The following EDAR variants were observed in gnomAD, a reference collection of about 807,000 sequenced individuals.
EDAR encodes the protein ectodysplasin A receptor.
In EDAR, 38 loss-of-function variants were observed where a neutral mutation model predicts 51.3. The observed-to-expected ratio is 0.74, with a 90% confidence interval of 0.57 to 0.97. EDAR has a LOEUF of 0.97. Ranked by LOEUF, EDAR falls within the 50% of genes least tolerant of loss-of-function variation. The pLI, the probability that EDAR is intolerant of heterozygous loss-of-function variation, is 0.00. For missense variants in EDAR, 528 were observed against 595.0 expected, an observed-to-expected ratio of 0.89 and a Z score of 1.17; for synonymous variants, 227 against 242.1, an observed-to-expected ratio of 0.94 and a Z score of 0.58.
intron 1 of EDAR, among the ~76,000 whole-genome samples, chr2:108,979,042 G>A (rs562525512): frequency 6.6e-6 from 1 of 152,344 alleles, no homozygotes; most frequent in South Asian, 2.1e-4. Flanking sequence ...TACTCAGTAA[G>A]CAGAGAGGTG....
intron 1 of EDAR, among the ~76,000 whole-genome samples, chr2:108,954,255 C>T (rs1454548097): frequency 2.6e-5 from 4 of 152,180 alleles, no homozygotes; most frequent in Admixed American, 6.5e-5. Context: ...AGACCAGCAG[C>T]AGATTGTGGT....
chr2:108,924,566 G>C lies in EDAR; in HGVS notation c.357-1113C>G, dbSNP rs140249883. Among the ~76,000 whole-genome samples, 1,400 of 152,250 alleles carry C rather than the reference G, an allele frequency of 9.2e-3. 23 individuals are homozygous for C. Among genetic ancestry groups the C allele is most frequent in the African/African-American group, 0.033 (1,363 of 41,546 alleles). On this transcript the variant is annotated intron_variant, in intron 4 of 11. Coordinates refer to ENST00000258443, the MANE Select transcript of EDAR (RefSeq NM_022336.4). The stretch of plus-strand genomic sequence containing the variant: ...TTCTAATCTCTTTTTTATTAGCCAG[G>C]CCCCATGGAGGCCCCTGCTGACGGT...
chr2:108,910,746 C>T, intron 8 of EDAR, 30 bp downstream of exon 8: 1 of 1,611,262 alleles, frequency 6.2e-7, no homozygotes, highest in Non-Finnish European at 8.5e-7. Flanking sequence ...GCACCGTGCA[C>T]ATGGTGTGTG....
At chr2:108,921,177 C>T (rs1272588625) in intron 5 of EDAR, among the ~76,000 whole-genome samples, 1 of 152,108 alleles carries the variant, frequency 6.6e-6, no homozygotes, top group African/African-American at 2.4e-5. Context: ...TTGCATTGCA[C>T]AGGTGCCTAG....
intron 1 of EDAR, among the ~76,000 whole-genome samples, chr2:108,968,884 G>A (rs1005683245): frequency 6.6e-6 from 1 of 152,212 alleles, no homozygotes; most frequent in African/African-American, 2.4e-5. Flanking sequence ...AGTCACGGTA[G>A]GGTTACATGT....
intron 11 of EDAR, among the ~76,000 whole-genome samples, chr2:108,902,607 C>T (rs1696721693): frequency 6.6e-6 from 1 of 152,140 alleles, no homozygotes; most frequent in African/African-American, 2.4e-5. Context: ...AGACCAAGAT[C>T]TCTCATGAAT....
intron 1 of EDAR, among the ~76,000 whole-genome samples, chr2:108,975,719 A>G (rs1485596834): frequency 6.6e-6 from 1 of 152,138 alleles, no homozygotes; most frequent in Non-Finnish European, 1.5e-5. Flanking sequence ...GTCGGAGGAA[A>G]TGACATGAGG....
chr2:108,978,113 G>A (rs1447744927), intron 1 of EDAR, among the ~76,000 whole-genome samples: 3 of 152,188 alleles, frequency 2.0e-5, no homozygotes, highest in African/African-American at 7.2e-5. Flanking sequence ...ACCAGCAAAG[G>A]GCCCCAGAGG....
intron 1 of EDAR, among the ~76,000 whole-genome samples, chr2:108,960,770 T>C (rs1306826242): frequency 6.6e-6 from 1 of 152,228 alleles, no homozygotes; most frequent in Non-Finnish European, 1.5e-5. Flanking sequence ...TATATAGATA[T>C]ATCATAAGGA....
At chr2:108,929,036 C>T (rs1249618084) in intron 4 of EDAR, among the ~76,000 whole-genome samples, 162 bp downstream of exon 4, 9 of 152,224 alleles carry the variant, frequency 5.9e-5, no homozygotes, top group African/African-American at 1.7e-4. Context: ...CAGGACTCTC[C>T]GTCCTGGATG....
At chr2:108,954,474 A>G (rs1352896179) in intron 1 of EDAR, among the ~76,000 whole-genome samples, 1 of 152,106 alleles carries the variant, frequency 6.6e-6, no homozygotes, top group African/African-American at 2.4e-5. Flanking sequence ...CAGTCCTGAA[A>G]CTATCCTTGG....
At chr2:108,914,229 T>C (rs1696986484) in intron 5 of EDAR, among the ~76,000 whole-genome samples, 1 of 151,798 alleles carries the variant, frequency 6.6e-6, no homozygotes, top group Admixed American at 6.6e-5. Flanking sequence ...CACTGCACTC[T>C]AGCCTGGGCA....
chr2:108,987,550 T>C (rs1008490516), intron 1 of EDAR, among the ~76,000 whole-genome samples: 3 of 152,230 alleles, frequency 2.0e-5, no homozygotes, highest in Admixed American at 6.5e-5. Context: ...AGAAACCAGG[T>C]AGTGGCCAGG....
In EDAR at chr2:108,961,634, C is replaced by T. The variant is rs74641098; in HGVS notation, c.-19+27326G>A. 1.9e-3 allele frequency among the ~76,000 whole-genome samples: 286 copies of T among 152,306 alleles called. 1 individual carries two copies. Among genetic ancestry groups the T allele is most frequent in the African/African-American group, 6.3e-3 (263 of 41,566 alleles). On this transcript the variant is annotated intron_variant, in intron 1 of 11. Transcript: ENST00000258443. ...TCACTGGCAGATGGTGTTATTGTTACGTTTTCTTTTCTGAAACTCTATGGT... is the reference window on the plus strand; with the variant it reads ...TCACTGGCAGATGGTGTTATTGTTATGTTTTCTTTTCTGAAACTCTATGGT...
intron 1 of EDAR, among the ~76,000 whole-genome samples, chr2:108,938,557 G>C (rs1697522219): frequency 6.6e-6 from 1 of 152,020 alleles, no homozygotes. Flanking sequence ...TCATCCCAAT[G>C]TCCTGCTGTA....
At chr2:108,923,345 G>C in intron 5 of EDAR, 23 bp downstream of exon 5, 3 of 1,608,914 alleles carry the variant, frequency 1.9e-6, no homozygotes, top group Non-Finnish European at 2.6e-6. Context: ...ATACCGTGCT[G>C]GTGGAAGGAC....
intron 1 of EDAR, among the ~76,000 whole-genome samples, chr2:108,939,893 A>T (rs775235428): frequency 6.6e-6 from 1 of 152,174 alleles, no homozygotes; most frequent in Non-Finnish European, 1.5e-5. Context: ...AGAGAACAGA[A>T]AGTTGGCACC....
chr2:108,930,299 C>A (rs1697342451), intron 2 of EDAR, 57 bp from the exon 3 acceptor site: 2 of 1,611,744 alleles, frequency 1.2e-6, no homozygotes, highest in African/African-American at 2.7e-5. Context: ...ACATGTGACT[C>A]CTGCAAGACC....
At chr2:108,980,955 A>T (rs1698408960) in intron 1 of EDAR, among the ~76,000 whole-genome samples, 1 of 137,160 alleles carries the variant, frequency 7.3e-6, no homozygotes, top group South Asian at 2.7e-4. Context: ...CCAAGGAAAG[A>T]CAGGGACCTC....
Sources: gnomAD v4.1 joint callset for allele counts (sites outside exome capture counted in the v4.1 genomes callset) on GRCh38, gnomAD v4.1.1 for gene constraint, MANE v1.5 for transcripts, NCBI Gene and HGNC (gene_info 2026-07-23, HGNC 2026-07-21) for gene names.